IL1R2: variants seen among roughly 807,000 people sequenced by gnomAD.
The protein encoded by IL1R2 is interleukin-1 receptor type 2.
A neutral mutation model predicts 39.5 loss-of-function variants in IL1R2; 46 were observed. That is an observed-to-expected ratio of 1.16 (90% CI 0.92 to 1.49). IL1R2 has a LOEUF of 1.49. IL1R2 is among the 40% of genes most tolerant of loss of function. The pLI, the probability that IL1R2 is intolerant of heterozygous loss-of-function variation, is 0.00. For synonymous variants in IL1R2, 207 were observed against 189.6 expected (o/e 1.09, Z -0.75); for missense variants, 537 against 502.0 (o/e 1.07, Z -0.67).
At chr2:102,021,423 A>G (rs773472557) in intron 5 of IL1R2, among the ~76,000 whole-genome samples, 1 of 145,880 alleles carries the variant, frequency 6.9e-6, no homozygotes, top group Non-Finnish European at 1.5e-5. Flanking sequence ...TCAAGCGATT[A>G]TCCTGTCTCA....
intron 7 of IL1R2, 124 bp from the exon 8 acceptor site, chr2:102,025,987 T>C: frequency 2.7e-6 from 2 of 728,200 alleles, no homozygotes; most frequent in Non-Finnish European, 4.4e-6. Flanking sequence ...CCTAACTTTA[T>C]GAAACTTGAA....
In IL1R2 at chr2:101,997,250, C is replaced by T. The variant is rs116246348; in HGVS notation, c.-62+5239C>T. On this transcript the variant is annotated intron_variant, in intron 1 of 8. Transcript: ENST00000332549. ...CAGTTGTCAGAGCCAGTGCTCCATC[C>T]GAGGTCACCCCGCTGTGCCTCTCCC... 2.5e-3 allele frequency among the ~76,000 whole-genome samples: 387 copies of T among 152,300 alleles called. 3 individuals carry two copies. The highest frequency in any genetic ancestry group is 8.7e-3 in the African/African-American group (362 of 41,558).
intron 3 of IL1R2, among the ~76,000 whole-genome samples, chr2:102,014,592 T>A (rs2150443629): frequency 6.6e-6 from 1 of 152,336 alleles, no homozygotes; most frequent in Admixed American, 6.5e-5. Context: ...ATATTTAAAT[T>A]AATTCTTCTT....
At chr2:102,011,938 G>C (rs1676663774) in intron 3 of IL1R2, among the ~76,000 whole-genome samples, 1 of 152,162 alleles carries the variant, frequency 6.6e-6, no homozygotes, top group Non-Finnish European at 1.5e-5. Context: ...TTAGGTAAGG[G>C]TCCTGCTTCA....
At chr2:101,996,926 C>T (rs1254636438) in intron 1 of IL1R2, among the ~76,000 whole-genome samples, 1 of 152,076 alleles carries the variant, frequency 6.6e-6, no homozygotes, top group Non-Finnish European at 1.5e-5. Flanking sequence ...ATTAAGCCTG[C>T]TGCTACATGT....
chr2:102,015,904 G>A lies in IL1R2; in HGVS notation c.366G>A (p.Glu122=). 6.2e-7 allele frequency: 1 copy of A among 1,613,814 alleles called. No homozygotes were observed. Among genetic ancestry groups the A allele is most frequent in the Non-Finnish European group, 8.5e-7 (1 of 1,179,898 alleles). Residue 122 remains glutamate, a synonymous_variant, in exon 4 of 9, where the codon GAG becomes GAA. Coordinates refer to ENST00000332549, the MANE Select transcript of IL1R2 (RefSeq NM_004633.4). ...NASYCDKMSI[E]LRVFENTDAF... The stretch of plus-strand genomic sequence containing the variant: ...CTTACTGTGACAAAATGTCCATTGA[G>A]CTCAGAGTTTTTGAGAATACAGATG...
Position 102,019,775 on chromosome 2 carries a change from A to G in IL1R2, c.651A>G (p.Gln217=), listed in dbSNP as rs1298219146. The G allele has an allele frequency of 6.2e-7, 1 of 1,614,098 alleles. No homozygotes were observed. The highest frequency in any genetic ancestry group is 1.3e-5 in the African/African-American group (1 of 74,944). Residue 217 remains glutamine (Q), a synonymous_variant, in exon 5 of 9, where the codon CAA becomes CAG. Transcript: ENST00000332549. ...TGACATTTGCCCATGAAGGCCAGCA[A>G]TACAACATCACTAGGAGTATTGAGC... The part of the protein sequence containing the change: ...CVLTFAHEGQ[Q]YNITRSIELR...
At position 102,009,812 on chromosome 2, in the gene IL1R2, C is replaced by T. The variant is rs142963191; in HGVS notation, c.318C>T (p.Tyr106=). ...LPALQEDSGT[Y]VCTTRNASYC... is the part of the protein sequence containing the mutation. ...CCTTGCAGGAGGACTCTGGCACCTA[C>T]GTCTGCACTACTAGGTAAGTCTCCC... is the stretch of plus-strand genomic sequence containing the variant. Residue 106 remains tyrosine (Y), a synonymous_variant, in exon 3 of 9, where the codon TAC becomes TAT. Coordinates refer to ENST00000332549, the MANE Select transcript of IL1R2 (RefSeq NM_004633.4). 2.7e-3 allele frequency: 4,298 copies of T among 1,614,150 alleles called. 8 individuals carry two copies. The highest frequency in any genetic ancestry group is 3.0e-3 in the Non-Finnish European group (3,555 of 1,180,010).
At chr2:102,007,993 T>C (rs1450528365) in intron 1 of IL1R2, among the ~76,000 whole-genome samples, 1 of 152,242 alleles carries the variant, frequency 6.6e-6, no homozygotes, top group African/African-American at 2.4e-5. Flanking sequence ...CCCAAGTTTT[T>C]ATTTTCCTTT....
rs1258287483 is a variant in IL1R2 at position 102,024,590 on chromosome 2, C to G, written c.809C>G (p.Thr270Ser). 2.5e-6 allele frequency: 4 copies of G among 1,613,964 alleles called. No individual in the cohort carries two copies. The highest frequency in any genetic ancestry group is 3.4e-6 in the Non-Finnish European group (4 of 1,180,006). ...VFLGTGTPLT[T>S]MLWWTANDTH... ...CTGGGAACCGGCACACCCTTAACCA[C>G]CATGCTGTGGTGGACGGCCAATGAC... Residue 270 changes from threonine (T) to serine (S), a missense_variant, in exon 7 of 9, where the codon ACC becomes AGC. Transcript: ENST00000332549.
At chr2:101,998,642 C>T (rs60425510) in intron 1 of IL1R2, among the ~76,000 whole-genome samples, 2,326 of 152,304 alleles carry the variant, frequency 0.015, 63 homozygotes, top group African/African-American at 0.05. Flanking sequence ...GGAGGGTCCA[C>T]GATGGCTTCA....
At chr2:102,017,890 T>G (rs987140983) in intron 4 of IL1R2, among the ~76,000 whole-genome samples, 6 of 152,200 alleles carry the variant, frequency 3.9e-5, no homozygotes, top group African/African-American at 1.4e-4. Flanking sequence ...GACCCTAGAT[T>G]GATACTGAAA....
At chr2:102,003,470 C>A (rs111207475) in intron 1 of IL1R2, among the ~76,000 whole-genome samples, 1 of 136,848 alleles carries the variant, frequency 7.3e-6, no homozygotes, top group Non-Finnish European at 1.6e-5. Context: ...GTGTCTGTGT[C>A]GGTGTCTAGG....
chr2:102,015,339 T>C (rs1391815933), intron 3 of IL1R2, among the ~76,000 whole-genome samples: 2 of 152,198 alleles, frequency 1.3e-5, no homozygotes, highest in Admixed American at 1.3e-4. Flanking sequence ...ACACAGAATA[T>C]GCTTTTTCTG....
rs770938496 is a variant in IL1R2 at position 101,994,828 on chromosome 2, C to T, written c.-62+2817C>T. ...TTGTGCTGCCGGTCCATGGACCACA[C>T]TTTGAGTAGAAAGGATTTAGAAAGT... On this transcript the variant is annotated intron_variant, in intron 1 of 8. Coordinates refer to ENST00000332549, the MANE Select transcript of IL1R2 (RefSeq NM_004633.4). 3.9e-5 allele frequency among the ~76,000 whole-genome samples: 6 copies of T among 152,230 alleles called. 1 individual carries two copies. Among genetic ancestry groups the T allele is most frequent in the Admixed American group, 1.3e-4 (2 of 15,290 alleles).
At chr2:102,025,922 C>T (rs1677718323) in intron 7 of IL1R2, among the ~76,000 whole-genome samples, 189 bp from the exon 8 acceptor site, 1 of 152,266 alleles carries the variant, frequency 6.6e-6, no homozygotes, top group African/African-American at 2.4e-5. Context: ...CTAAGGCCTT[C>T]AGGGACAGGC....
chr2:102,016,708 T>C (rs1426734110), intron 4 of IL1R2, among the ~76,000 whole-genome samples: 3 of 152,228 alleles, frequency 2.0e-5, no homozygotes, highest in Non-Finnish European at 4.4e-5. Flanking sequence ...CATGACTGTA[T>C]TTACACAGGG....
rs532702362 is a variant in IL1R2 at position 102,007,582 on chromosome 2, C to T, written c.-61-933C>T. ...CTTAATAATTTAGAAGCTTATTTTGCCAAGATTAAGGACAATGCCCAGGAG... is the reference window on the plus strand; with the variant it reads ...CTTAATAATTTAGAAGCTTATTTTGTCAAGATTAAGGACAATGCCCAGGAG... On this transcript the variant is annotated intron_variant, in intron 1 of 8. Transcript: ENST00000332549. Among the ~76,000 whole-genome samples, 151 of 152,232 alleles carry T rather than the reference C, an allele frequency of 9.9e-4. No individual in the cohort carries two copies. The South Asian group carries it at 0.013, about 14-fold the overall frequency.
intron 1 of IL1R2, among the ~76,000 whole-genome samples, chr2:102,006,225 G>A (rs184563311): frequency 5.3e-5 from 8 of 152,068 alleles, no homozygotes; most frequent in Admixed American, 3.3e-4. Flanking sequence ...AAGCTAATGC[G>A]TGTCCAAGGA....
Sources: gnomAD v4.1 joint callset for allele counts (sites outside exome capture counted in the v4.1 genomes callset) on GRCh38, gnomAD v4.1.1 for gene constraint, MANE v1.5 for transcripts, NCBI Gene and HGNC (gene_info 2026-07-23, HGNC 2026-07-21) for gene names.